The following RBFOX1 variants were observed in gnomAD, a reference collection of about 807,000 sequenced individuals.
RBFOX1 encodes the protein RNA binding fox-1 homolog 1.
In RBFOX1, 8 loss-of-function variants were observed where a neutral mutation model predicts 57.7. That is an observed-to-expected ratio of 0.14 (90% CI 0.08 to 0.25). The LOEUF (loss-of-function observed/expected upper bound fraction) is 0.25. RBFOX1 is among the 10% of genes least tolerant of loss of function. RBFOX1 has a pLI of 1.00. For synonymous variants in RBFOX1, 326 were observed against 222.4 expected, an observed-to-expected ratio of 1.47 and a Z score of -4.15; for missense variants, 611 against 548.5, an observed-to-expected ratio of 1.11 and a Z score of -1.14.
intron 1 of RBFOX1, among the ~76,000 whole-genome samples, chr16:6,178,282 G>A (rs1181574565): frequency 6.9e-6 from 1 of 144,854 alleles, no homozygotes; most frequent in Non-Finnish European, 1.5e-5. Flanking sequence ...TGTCTCCCAG[G>A]TTCAAGTGAT....
intron 4 of RBFOX1, among the ~76,000 whole-genome samples, chr16:7,362,819 C>G (rs184370984): frequency 3.3e-5 from 5 of 152,150 alleles, no homozygotes; most frequent in South Asian, 2.1e-4. Flanking sequence ...AGAGAAGTGG[C>G]TTATCAGTGG....
chr16:6,439,286 G>A (rs369005545), intron 2 of RBFOX1, among the ~76,000 whole-genome samples: 1 of 152,190 alleles, frequency 6.6e-6, no homozygotes, highest in Non-Finnish European at 1.5e-5. Flanking sequence ...AGTCAGGAAG[G>A]TATAATCAAA....
chr16:7,218,645 T>TGC (rs1336322070), intron 4 of RBFOX1, among the ~76,000 whole-genome samples: 21 of 149,046 alleles, frequency 1.4e-4, no homozygotes, highest in African/African-American at 4.2e-4. Context: ...TGTGTGTGTG[T>TGC]GTGTGTGTGT....
chr16:6,178,507 A>C (rs1187426911), intron 1 of RBFOX1, among the ~76,000 whole-genome samples: 1 of 152,072 alleles, frequency 6.6e-6, no homozygotes, highest in Non-Finnish European at 1.5e-5. Context: ...TAGACTCAGA[A>C]ATTATTTACT....
chr16:7,419,087 T>C (rs1257530412), intron 4 of RBFOX1, among the ~76,000 whole-genome samples: 1 of 152,094 alleles, frequency 6.6e-6, no homozygotes, highest in African/African-American at 2.4e-5. Flanking sequence ...TTTGTATTTT[T>C]ACTAGAGACA....
chr16:5,905,641 G>A (rs146584445), intron 4 of RBFOX1, among the ~76,000 whole-genome samples: 390 of 152,216 alleles, frequency 2.6e-3, no homozygotes, highest in African/African-American at 8.5e-3. Flanking sequence ...GCTGCAGTAC[G>A]CTGTGAACAT....
At chr16:6,603,623 G>A (rs1185786412) in intron 2 of RBFOX1, among the ~76,000 whole-genome samples, 1 of 152,170 alleles carries the variant, frequency 6.6e-6, no homozygotes, top group African/African-American at 2.4e-5. Flanking sequence ...CCCCCGGGCA[G>A]CCGCTATGTG....
chr16:6,740,634 A>T (rs940026998), intron 3 of RBFOX1, among the ~76,000 whole-genome samples: 10 of 152,326 alleles, frequency 6.6e-5, no homozygotes, highest in Admixed American at 5.9e-4. Context: ...TACAATTTTA[A>T]TCACCCAGAA....
chr16:6,996,469 A>G (rs1462156368), intron 3 of RBFOX1, among the ~76,000 whole-genome samples: 2 of 152,186 alleles, frequency 1.3e-5, no homozygotes, highest in East Asian at 1.9e-4. Context: ...GTGTATATAT[A>G]TCCATCCTCC....
chr16:6,779,982 TATATA>T (rs2080312171), intron 3 of RBFOX1, among the ~76,000 whole-genome samples: 1 of 53,956 alleles, frequency 1.9e-5, no homozygotes, highest in Admixed American at 3.4e-4. Context: ...TTTATATATT[TATATA>T]TTTATATATT....
intron 2 of RBFOX1, among the ~76,000 whole-genome samples, chr16:6,608,301 C>A (rs2097977180): frequency 6.6e-6 from 1 of 152,112 alleles, no homozygotes. Flanking sequence ...CATATAGTAT[C>A]CTGTGGGGAA....
At chr16:5,617,959 T>A in intron 3 of RBFOX1, among the ~76,000 whole-genome samples, 1 of 152,210 alleles carries the variant, frequency 6.6e-6, no homozygotes, top group East Asian at 1.9e-4. Context: ...GTTCAAGCTC[T>A]GGCATGCAGA....
At chr16:6,684,009 T>C (rs987238946) in intron 3 of RBFOX1, among the ~76,000 whole-genome samples, 1 of 152,186 alleles carries the variant, frequency 6.6e-6, no homozygotes, top group Admixed American at 6.5e-5. Flanking sequence ...GTGGGGAAGA[T>C]AGTGAATGGT....
intron 4 of RBFOX1, among the ~76,000 whole-genome samples, chr16:7,278,934 G>T (rs1185475116): frequency 6.6e-6 from 1 of 152,036 alleles, no homozygotes; most frequent in Admixed American, 6.5e-5. Context: ...AAATTTGATT[G>T]TTCGATTGCT....
chr16:7,395,182 C>T (rs1267704674), intron 4 of RBFOX1, among the ~76,000 whole-genome samples: 3 of 148,672 alleles, frequency 2.0e-5, no homozygotes, highest in Admixed American at 1.3e-4. Flanking sequence ...TTTTCCCTGA[C>T]AGCCAAGACC....
chr16:7,533,946 C>A (rs1015866999), intron 5 of RBFOX1, among the ~76,000 whole-genome samples: 9 of 151,948 alleles, frequency 5.9e-5, no homozygotes, highest in Non-Finnish European at 1.2e-4. Flanking sequence ...CAATGGTGGG[C>A]GATGTTACCT....
chr16:6,816,737 C>CAAA lies in RBFOX1; in HGVS notation c.-16+162101_-16+162103dup, dbSNP rs1181907817. 1.1e-4 allele frequency among the ~76,000 whole-genome samples: 11 copies of CAAA among 95,658 alleles called. 1 individual carries two copies. Among genetic ancestry groups the CAAA allele is most frequent in the African/African-American group, 4.0e-4 (11 of 27,292 alleles). The allele number at this position is 95,658 out of a possible 152,430, so 62.8% of individuals were successfully genotyped here. A position where few individuals can be genotyped will look rare whatever the true frequency, so the allele number is the denominator to read the frequency against. ...CCTGGGTGACAGAGCAAGACTGTCT[C>CAAA]AAAAAAAAAAAAAAAAGGAAGAAAA... On this transcript the variant is annotated intron_variant, in intron 3 of 15. Coordinates refer to ENST00000550418, the MANE Select transcript of RBFOX1 (RefSeq NM_018723.4).
intron 4 of RBFOX1, among the ~76,000 whole-genome samples, chr16:7,506,890 G>C (rs2073499262): frequency 6.6e-6 from 1 of 152,164 alleles, no homozygotes. Context: ...GTTCTCCAGA[G>C]GAAGAACTTC....
At chr16:7,124,538 C>G (rs1481386264) in intron 4 of RBFOX1, among the ~76,000 whole-genome samples, 1 of 62,362 alleles carries the variant, frequency 1.6e-5, no homozygotes, top group Admixed American at 2.3e-4. Flanking sequence ...TCCTTCCTTC[C>G]CTCTCTCCCT....
Sources: allele counts gnomAD v4.1 joint callset (sites outside exome capture counted in the v4.1 genomes callset), GRCh38; gene constraint gnomAD v4.1.1; transcripts MANE v1.5; gene names NCBI Gene and HGNC (gene_info 2026-07-23, HGNC 2026-07-21).